GABRP: variants seen among roughly 807,000 people sequenced by gnomAD.
GABRP encodes the protein gamma-aminobutyric acid type A receptor subunit pi.
A neutral mutation model predicts 47.8 loss-of-function variants in GABRP; 52 were observed. The observed-to-expected ratio is 1.09, with a 90% CI of 0.87 to 1.37. The LOEUF is 1.37. GABRP is among the 40% of genes most tolerant of loss of function. The pLI, the probability that GABRP is intolerant of heterozygous loss-of-function variation, is 0.00. For missense variants in GABRP, 525 were observed against 542.8 expected (o/e 0.97, Z 0.33); for synonymous variants, 221 against 205.8 (o/e 1.07, Z -0.63).
chr5:170,800,490 A>G (rs1207723170), intron 6 of GABRP, among the ~76,000 whole-genome samples: 1 of 152,200 alleles, frequency 6.6e-6, no homozygotes, highest in African/African-American at 2.4e-5. Flanking sequence ...AAGCACTGTG[A>G]TAATAAGAAA....
chr5:170,785,797 G>A (rs1765115271), intron 1 of GABRP, among the ~76,000 whole-genome samples: 1 of 152,212 alleles, frequency 6.6e-6, no homozygotes, highest in Admixed American at 6.5e-5. Flanking sequence ...GGCCAGACCA[G>A]GAGAAAGACA....
At chr5:170,810,658 A>G (rs948121753) in intron 9 of GABRP, among the ~76,000 whole-genome samples, 1 of 152,228 alleles carries the variant, frequency 6.6e-6, no homozygotes, top group African/African-American at 2.4e-5. Context: ...AAGCAAGAAA[A>G]TGATAGGGAT....
chr5:170,808,796 GTTAC>G (rs1561815904), intron 8 of GABRP, 44 bp downstream of exon 8: 1 of 1,576,124 alleles, frequency 6.3e-7, no homozygotes, highest in Non-Finnish European at 8.7e-7. Flanking sequence ...GGCTTATCAG[GTTAC>G]TTACTTTTTT....
intron 3 of GABRP, among the ~76,000 whole-genome samples, chr5:170,793,563 C>T (rs1757268837): frequency 2.0e-5 from 3 of 152,154 alleles, no homozygotes; most frequent in Admixed American, 2.0e-4. Flanking sequence ...AAAGCTCAGC[C>T]ATGAGTCTTG....
At chr5:170,811,854 T>C in intron 9 of GABRP, 102 bp from the exon 10 acceptor site, 2 of 1,067,246 alleles carry the variant, frequency 1.9e-6, no homozygotes, top group Middle Eastern at 4.2e-4. Flanking sequence ...TTAAGCCTAA[T>C]TATTCAACAC....
chr5:170,788,454 G>T lies in GABRP; in HGVS notation c.-42-120G>T, dbSNP rs1390123833. ...GCTGTAACCGAAAGGTATGGAAAGA[G>T]GCTGCTTCCTATGCATGCTGAGAAA... On this transcript the variant is annotated intron_variant, in intron 1 of 9. Transcript: ENST00000265294. 7.8e-6 allele frequency: 5 copies of T among 637,156 alleles called. No homozygotes were observed. In the Admixed American group the frequency reaches 1.0e-4, roughly 13 times the overall value. 39.5% of individuals were successfully genotyped at this position (637,156 alleles called of 1,614,324 possible).
intron 3 of GABRP, among the ~76,000 whole-genome samples, chr5:170,791,812 T>C (rs1765278657): frequency 6.6e-6 from 1 of 152,256 alleles, no homozygotes; most frequent in Non-Finnish European, 1.5e-5. Context: ...TTTGTGCTTC[T>C]ATAACAAAAT....
At position 170,810,031 on chromosome 5, in the gene GABRP, A is replaced by G. The variant is rs1239865192; in HGVS notation, c.1020+276A>G. On this transcript the variant is annotated intron_variant, in intron 9 of 9. Coordinates refer to ENST00000265294, the MANE Select transcript of GABRP (RefSeq NM_014211.3). ...AGCATAAAATCACAACCACAGGAGC[A>G]AGCATCCATGAAGAATCCAATATGA... 4.3e-6 allele frequency: 3 copies of G among 698,080 alleles called. No homozygotes were observed. The South Asian group carries it at 4.5e-5, about 11-fold the overall frequency. 43.2% of individuals were successfully genotyped at this position (698,080 alleles called of 1,614,324 possible). A position where few individuals can be genotyped will look rare whatever the true frequency, so the allele number is the denominator to read the frequency against.
At chr5:170,797,663 G>T (rs190172364) in intron 6 of GABRP, 115 bp downstream of exon 6, 2 of 687,084 alleles carry the variant, frequency 2.9e-6, no homozygotes, top group Non-Finnish European at 5.3e-6. Context: ...TTGATTCATC[G>T]TGGATTCAGC....
At chr5:170,811,311 T>C (rs1176689180) in intron 9 of GABRP, among the ~76,000 whole-genome samples, 1 of 151,592 alleles carries the variant, frequency 6.6e-6, no homozygotes, top group African/African-American at 2.4e-5. Context: ...ACACTCTCTC[T>C]GACTTCACTA....
intron 4 of GABRP, 96 bp downstream of exon 4, chr5:170,794,394 A>G (rs1765366951): frequency 1.4e-6 from 1 of 710,856 alleles, no homozygotes; most frequent in Non-Finnish European, 2.3e-6. Flanking sequence ...AAAAAAAAAA[A>G]AAGAATGGCT....
chr5:170,797,310 C>T (rs115955779), intron 5 of GABRP, among the ~76,000 whole-genome samples, 156 bp from the exon 6 acceptor site: 4,473 of 152,340 alleles, frequency 0.029, 197 homozygotes, highest in African/African-American at 0.1. Flanking sequence ...CATTCTTTAG[C>T]ACCCAGAGCC....
chr5:170,806,061 C>T (rs1278920613), intron 7 of GABRP, among the ~76,000 whole-genome samples: 1 of 152,164 alleles, frequency 6.6e-6, no homozygotes, highest in African/African-American at 2.4e-5. Flanking sequence ...AGCTCTGAAG[C>T]CTTGCACCAT....
At chr5:170,793,008 G>A (rs1310894585) in intron 3 of GABRP, among the ~76,000 whole-genome samples, 1 of 152,134 alleles carries the variant, frequency 6.6e-6, no homozygotes, top group Non-Finnish European at 1.5e-5. Flanking sequence ...GAAGGGAAAT[G>A]CCATTATTGA....
chr5:170,797,848 G>C (rs1765472641), intron 6 of GABRP, among the ~76,000 whole-genome samples: 1 of 152,194 alleles, frequency 6.6e-6, no homozygotes, highest in Non-Finnish European at 1.5e-5. Flanking sequence ...GCAAACAACG[G>C]CTGGTGTGCC....
intron 3 of GABRP, among the ~76,000 whole-genome samples, chr5:170,789,723 A>G (rs1765218051): frequency 6.6e-6 from 1 of 152,068 alleles, no homozygotes; most frequent in South Asian, 2.1e-4. Flanking sequence ...TTCCCAGCCC[A>G]GCCTTTATCT....
At chr5:170,789,102 A>G (rs1479364757) in intron 2 of GABRP, 27 bp from the exon 3 acceptor site, 1 of 1,577,488 alleles carries the variant, frequency 6.3e-7, no homozygotes, top group Non-Finnish European at 8.7e-7. Flanking sequence ...AAACAAGCAA[A>G]CACAACAAAG....
Position 170,788,643 on chromosome 5 carries a change from G to C in GABRP, c.28G>C (p.Val10Leu). The C allele has an allele frequency of 6.2e-7, 1 of 1,614,072 alleles. No individual in the cohort carries two copies. The highest frequency in any genetic ancestry group is 8.5e-7 in the Non-Finnish European group (1 of 1,180,006). The change falls in exon 2 of 10, where the codon GTG (valine) becomes CTG (leucine). Residue 10 changes from valine to leucine, a missense_variant. By Grantham distance (32) the Val-to-Leu change is conservative. Transcript: ENST00000265294. MNYSLHLAF[V>L]CLSLFTERMC... Reference sequence around the variant, plus strand: ...GAACTACAGCCTCCACTTGGCCTTCGTGTGTCTGAGTCTCTTCACTGAGAG... The same window carrying C: ...GAACTACAGCCTCCACTTGGCCTTCCTGTGTCTGAGTCTCTTCACTGAGAG...
In GABRP at chr5:170,812,549, G is replaced by A. The variant is rs1328195767; in HGVS notation, c.*291G>A. 2 of 308,916 alleles carry A rather than the reference G, an allele frequency of 6.5e-6. No individual in the cohort carries two copies. Among genetic ancestry groups the A allele is most frequent in the African/African-American group, 2.1e-5 (1 of 47,462 alleles). The allele number at this position is 308,916 out of a possible 1,614,324, so 19.1% of individuals were successfully genotyped here. ...AAATGTACTCAGGGCTGTTTATTCG[G>A]TGGCTCCCTGGTTTGCATTTACCTC... is the stretch of plus-strand genomic sequence containing the variant. On this transcript the variant is annotated 3_prime_UTR_variant, in exon 10 of 10. Transcript: ENST00000265294.
Sources: gnomAD v4.1 joint callset for allele counts (sites outside exome capture counted in the v4.1 genomes callset) on GRCh38, gnomAD v4.1.1 for gene constraint, MANE v1.5 for transcripts, NCBI Gene and HGNC (gene_info 2026-07-23, HGNC 2026-07-21) for gene names.